NELL1: variants seen among roughly 807,000 people sequenced by gnomAD.
The protein encoded by NELL1 is protein kinase C-binding protein NELL1.
NELL1 carries 76 observed loss-of-function variants against 107.4 expected under a neutral mutation model. The observed-to-expected ratio is 0.71, with a 90% CI of 0.59 to 0.86. The LOEUF is 0.86. NELL1 is among the 40% of genes least tolerant of loss of function. NELL1 has a pLI of 0.00. For missense variants in NELL1, 1,024 were observed against 1,005.5 expected, an observed-to-expected ratio of 1.02 and a Z score of -0.25; for synonymous variants, 353 against 341.2, an observed-to-expected ratio of 1.03 and a Z score of -0.38.
At chr11:20,952,154 T>C (rs1851081872) in intron 11 of NELL1, among the ~76,000 whole-genome samples, 1 of 152,128 alleles carries the variant, frequency 6.6e-6, no homozygotes, top group Admixed American at 6.6e-5. Context: ...CTTGACATAC[T>C]CCTCAGGGTT....
intron 15 of NELL1, among the ~76,000 whole-genome samples, chr11:21,405,929 G>A (rs532213782): frequency 3.4e-4 from 51 of 151,926 alleles, no homozygotes; most frequent in Non-Finnish European, 6.3e-4. Flanking sequence ...AATGGACACT[G>A]GACACATGTT....
chr11:21,556,917 T>G (rs924637432), intron 16 of NELL1, among the ~76,000 whole-genome samples: 1 of 151,962 alleles, frequency 6.6e-6, no homozygotes. Flanking sequence ...TAATTTTTCT[T>G]TCATTGCCTG....
intron 2 of NELL1, among the ~76,000 whole-genome samples, chr11:20,704,001 C>T (rs1854869557): frequency 6.6e-6 from 1 of 152,156 alleles, no homozygotes; most frequent in African/African-American, 2.4e-5. Context: ...GTGGAGAGTT[C>T]TGTAGATGTC....
chr11:21,000,280 T>C lies in NELL1; in HGVS notation c.1300+39720T>C, dbSNP rs539088486. On this transcript the variant is annotated intron_variant, in intron 12 of 19. Transcript: ENST00000357134. ...TAAAGTATAATAAAAAAAAAAAGAA[T>C]CTTAATCCAGTTTACTGTGTCAGAG... Among the ~76,000 whole-genome samples the C allele has an allele frequency of 5.8e-3, 879 of 151,612 alleles. 7 individuals carry two copies. Among genetic ancestry groups the C allele is most frequent in the African/African-American group, 0.018 (757 of 41,148 alleles).
chr11:21,185,455 C>T (rs552406821), intron 13 of NELL1, among the ~76,000 whole-genome samples: 13 of 151,474 alleles, frequency 8.6e-5, no homozygotes, highest in Non-Finnish European at 1.8e-4. Flanking sequence ...CCACCACACC[C>T]GGCTAATTTT....
At chr11:20,858,456 G>A (rs1036983350) in intron 4 of NELL1, among the ~76,000 whole-genome samples, 2 of 152,186 alleles carry the variant, frequency 1.3e-5, no homozygotes, top group African/African-American at 4.8e-5. Context: ...AATCTGCACC[G>A]ATAGCTGAGC....
intron 16 of NELL1, among the ~76,000 whole-genome samples, chr11:21,547,586 C>T (rs2133985677): frequency 6.6e-6 from 1 of 151,976 alleles, no homozygotes; most frequent in South Asian, 2.1e-4. Context: ...CATAATTACG[C>T]AAATGTAGTA....
chr11:20,733,436 C>G (rs1855692770), intron 2 of NELL1, among the ~76,000 whole-genome samples: 1 of 152,048 alleles, frequency 6.6e-6, no homozygotes, highest in Non-Finnish European at 1.5e-5. Context: ...TGGACCATGC[C>G]TAAAGAGAAC....
intron 15 of NELL1, among the ~76,000 whole-genome samples, chr11:21,510,373 A>C (rs1010980396): frequency 2.0e-5 from 3 of 152,198 alleles, no homozygotes; most frequent in Non-Finnish European, 2.9e-5. Context: ...CTTAAAGCAG[A>C]ACTGGGCAAA....
At chr11:20,786,800 A>T (rs906252116) in intron 3 of NELL1, among the ~76,000 whole-genome samples, 1 of 151,976 alleles carries the variant, frequency 6.6e-6, no homozygotes, top group Admixed American at 6.6e-5. Context: ...CAAGGTCAGG[A>T]GATCGAGACC....
At chr11:21,171,783 G>T (rs1326531673) in intron 13 of NELL1, among the ~76,000 whole-genome samples, 3 of 151,748 alleles carry the variant, frequency 2.0e-5, no homozygotes, top group Admixed American at 2.0e-4. Flanking sequence ...TTCTGGGGCT[G>T]CAGGGTGTGA....
intron 12 of NELL1, among the ~76,000 whole-genome samples, chr11:21,023,764 C>T (rs1044211650): frequency 6.6e-6 from 1 of 152,070 alleles, no homozygotes; most frequent in African/African-American, 2.4e-5. Flanking sequence ...CTCCAGCCCC[C>T]ACCTGCATGT....
At chr11:21,084,365 G>C (rs570247287) in intron 12 of NELL1, among the ~76,000 whole-genome samples, 1 of 152,244 alleles carries the variant, frequency 6.6e-6, no homozygotes, top group South Asian at 2.1e-4. Flanking sequence ...TCTAATAATA[G>C]AGTGATTATA....
intron 1 of NELL1, chr11:20,670,406 G>A (rs1009754644): frequency 6.6e-6 from 1 of 152,400 alleles, no homozygotes; most frequent in Non-Finnish European, 1.5e-5. Flanking sequence ...GGGAAATAGA[G>A]CAGTGGAGAC....
intron 13 of NELL1, among the ~76,000 whole-genome samples, chr11:21,117,111 C>A (rs1485228961): frequency 1.3e-5 from 2 of 151,956 alleles, no homozygotes; most frequent in Middle Eastern, 3.4e-3. Context: ...AGCTATTGCC[C>A]TTTTATGGAA....
chr11:20,724,213 A>C (rs924611418), intron 2 of NELL1, among the ~76,000 whole-genome samples: 4 of 152,254 alleles, frequency 2.6e-5, no homozygotes, highest in Admixed American at 2.6e-4. Context: ...TTATCTTGGC[A>C]GTTAACATTC....
At chr11:21,467,134 A>G (rs945623276) in intron 15 of NELL1, among the ~76,000 whole-genome samples, 18 of 152,052 alleles carry the variant, frequency 1.2e-4, no homozygotes, top group Non-Finnish European at 4.4e-5. Context: ...AGAGAGAACA[A>G]AAAGGTTAAA....
At position 21,254,472 on chromosome 11, in the gene NELL1, C is replaced by A. The variant is rs114425163; in HGVS notation, c.1549+25018C>A. ...AAGGTTAATGTTAAGGTAACATTTG[C>A]TCAATTTATACGAAAAAAAGACTTC... On this transcript the variant is annotated intron_variant, in intron 14 of 19. Coordinates refer to ENST00000357134, the MANE Select transcript of NELL1 (RefSeq NM_006157.5). 3.2e-3 allele frequency among the ~76,000 whole-genome samples: 482 copies of A among 152,054 alleles called. 5 individuals carry two copies. The highest frequency in any genetic ancestry group is 0.011 in the African/African-American group (467 of 41,480).
At chr11:21,130,757 G>A (rs1320795253) in intron 13 of NELL1, among the ~76,000 whole-genome samples, 7 of 152,174 alleles carry the variant, frequency 4.6e-5, no homozygotes, top group Non-Finnish European at 8.8e-5. Context: ...TTGTGCGAAG[G>A]TCAGTATTTT....
Sources: allele counts gnomAD v4.1 joint callset (sites outside exome capture counted in the v4.1 genomes callset), GRCh38; gene constraint gnomAD v4.1.1; transcripts MANE v1.5; gene names NCBI Gene and HGNC (gene_info 2026-07-23, HGNC 2026-07-21).